Variants in ADGRD1 observed in about 807,000 individuals in gnomAD.
The protein encoded by ADGRD1 is G-protein coupled receptor 133.
ADGRD1 carries 77 observed loss-of-function variants against 113.4 expected under a neutral mutation model. The observed-to-expected ratio is 0.68, with a 90% CI of 0.57 to 0.82. ADGRD1 has a LOEUF of 0.82. ADGRD1 is among the 40% of genes least tolerant of loss of function. ADGRD1 has a pLI of 0.00. For synonymous variants in ADGRD1, 474 were observed against 475.0 expected, an observed-to-expected ratio of 1.00 and a Z score of 0.03; for missense variants, 1,036 against 1,139.1, an observed-to-expected ratio of 0.91 and a Z score of 1.30.
intron 2 of ADGRD1, among the ~76,000 whole-genome samples, chr12:130,955,325 G>A (rs1019934526): frequency 1.3e-5 from 2 of 151,832 alleles, no homozygotes; most frequent in African/African-American, 2.4e-5. Flanking sequence ...GCAGGGTCTC[G>A]GGACCTCCAG....
At chr12:130,972,844 A>G (rs573791553) in intron 4 of ADGRD1, among the ~76,000 whole-genome samples, 2 of 152,256 alleles carry the variant, frequency 1.3e-5, no homozygotes, top group East Asian at 1.9e-4. Context: ...AGGATGGTGC[A>G]GGTGCCAGGG....
intron 21 of ADGRD1, 123 bp downstream of exon 21, chr12:131,131,939 C>T (rs1055391516): frequency 4.2e-5 from 29 of 686,294 alleles, no homozygotes; most frequent in Admixed American, 4.1e-4. Flanking sequence ...TCCACTTGCT[C>T]CGTGTCCCTG....
intron 20 of ADGRD1, among the ~76,000 whole-genome samples, chr12:131,131,480 C>T (rs947631375): frequency 4.6e-5 from 7 of 152,212 alleles, no homozygotes; most frequent in African/African-American, 1.7e-4. Flanking sequence ...CGGATGTGTT[C>T]CTGGGACTAG....
rs1018275802 is a variant in ADGRD1 at position 130,993,525 on chromosome 12, G to A, written c.966+1133G>A. Among the ~76,000 whole-genome samples the A allele has an allele frequency of 1.1e-4, 17 of 151,994 alleles. 1 individual carries two copies. In the East Asian group the frequency reaches 3.3e-3, roughly 29 times the overall value. On this transcript the variant is annotated intron_variant, in intron 8 of 24. Coordinates refer to ENST00000261654, the MANE Select transcript of ADGRD1 (RefSeq NM_198827.5). Reference sequence around the variant, plus strand: ...CATGGAGTCTGAGAGGGGCTTTAAAGGGAACTACATGGAGCTGCGGGACTC... The same window carrying A: ...CATGGAGTCTGAGAGGGGCTTTAAAAGGAACTACATGGAGCTGCGGGACTC...
chr12:131,006,109 C>T, intron 12 of ADGRD1, 62 bp downstream of exon 12: 1 of 1,378,720 alleles, frequency 7.3e-7, no homozygotes, highest in Non-Finnish European at 1.0e-6. Flanking sequence ...GGGTGGCTGG[C>T]CACAGGGATG....
rs946564100 is a variant in ADGRD1, at chr12:131,060,829, A to G, written c.1474-15972A>G. 4.0e-5 allele frequency among the ~76,000 whole-genome samples: 6 copies of G among 151,530 alleles called. No individual in the cohort carries two copies. Among genetic ancestry groups the G allele is most frequent in the East Asian group, 1.9e-4 (1 of 5,138 alleles). On this transcript the variant is annotated intron_variant, in intron 13 of 24. Transcript: ENST00000261654. This position sits in a 1 kb window ranked among gnomAD's most constrained non-coding sequence, Gnocchi z 4.4. ...ATCCCATTGCCTGGATTCTCAGGCAACCCTTCTTCTCCTTGACCCTTGGGC... is the reference window on the plus strand; with the variant it reads ...ATCCCATTGCCTGGATTCTCAGGCAGCCCTTCTTCTCCTTGACCCTTGGGC...
chr12:130,999,174 C>T (rs150074508), intron 8 of ADGRD1, among the ~76,000 whole-genome samples: 11 of 152,338 alleles, frequency 7.2e-5, no homozygotes, highest in African/African-American at 2.4e-4. Flanking sequence ...CAAACTATGG[C>T]CCTCGAGTCA....
intron 3 of ADGRD1, chr12:130,968,201 T>C (rs1328072785): frequency 6.6e-6 from 1 of 152,224 alleles, no homozygotes; most frequent in East Asian, 1.9e-4. Flanking sequence ...CCTTTACCTA[T>C]GAAAAATTCT....
At chr12:131,046,042 G>T (rs1882679047) in intron 13 of ADGRD1, among the ~76,000 whole-genome samples, 1 of 145,756 alleles carries the variant, frequency 6.9e-6, no homozygotes, top group African/African-American at 2.6e-5. Context: ...TGTCCTCCCT[G>T]GTCAGCACTT....
chr12:131,025,026 C>A (rs1249454495), intron 13 of ADGRD1, among the ~76,000 whole-genome samples: 1 of 152,174 alleles, frequency 6.6e-6, no homozygotes, highest in Non-Finnish European at 1.5e-5. Flanking sequence ...GGCTTGATGC[C>A]GTGGATGGAA....
chr12:131,135,816 T>G (rs1057068647), intron 21 of ADGRD1, among the ~76,000 whole-genome samples: 1 of 152,154 alleles, frequency 6.6e-6, no homozygotes, highest in Non-Finnish European at 1.5e-5. Flanking sequence ...TTTCCAGAGC[T>G]CTCTCCCACC....
intron 2 of ADGRD1, among the ~76,000 whole-genome samples, chr12:130,958,414 G>C (rs562136527): frequency 1.4e-4 from 21 of 152,122 alleles, no homozygotes; most frequent in African/African-American, 5.1e-4. Flanking sequence ...TGACCAGGCT[G>C]GTCTCAAACT....
At chr12:131,005,839 C>A in intron 11 of ADGRD1, 133 bp from the exon 12 acceptor site, 1 of 710,020 alleles carries the variant, frequency 1.4e-6, no homozygotes, top group South Asian at 1.6e-5. Flanking sequence ...CCCGAGTGTC[C>A]TTCACTTCCT....
chr12:131,008,296 G>A (rs1162098368), intron 12 of ADGRD1, among the ~76,000 whole-genome samples: 3 of 152,248 alleles, frequency 2.0e-5, no homozygotes, highest in African/African-American at 4.8e-5. Flanking sequence ...CGGGCAGCAC[G>A]TTTATGTGCG....
intron 12 of ADGRD1, among the ~76,000 whole-genome samples, chr12:131,008,725 C>A (rs1877497479): frequency 6.6e-6 from 1 of 152,218 alleles, no homozygotes; most frequent in African/African-American, 2.4e-5. Flanking sequence ...GGTGCTCGTG[C>A]TAGGCTCAGC....
chr12:131,108,555 C>T (rs1276898903), intron 17 of ADGRD1, among the ~76,000 whole-genome samples, 169 bp from the exon 18 acceptor site: 3 of 152,210 alleles, frequency 2.0e-5, no homozygotes, highest in Non-Finnish European at 2.9e-5. Context: ...CTGAGTCAAG[C>T]GCTACACCCA....
chr12:130,959,754 T>G (rs1870126017), intron 2 of ADGRD1, among the ~76,000 whole-genome samples: 1 of 152,210 alleles, frequency 6.6e-6, no homozygotes, highest in Non-Finnish European at 1.5e-5. Flanking sequence ...ATTTGCCAGA[T>G]CTTTACCATG....
chr12:130,965,571 G>T lies in ADGRD1; in HGVS notation c.104-892G>T, dbSNP rs140051307. Among the ~76,000 whole-genome samples, 3 of 151,948 alleles carry T rather than the reference G, an allele frequency of 2.0e-5. No homozygotes were observed. Among genetic ancestry groups the T allele is most frequent in the African/African-American group, 7.3e-5 (3 of 41,366 alleles). On this transcript the variant is annotated intron_variant, in intron 2 of 24. Coordinates refer to ENST00000261654, the MANE Select transcript of ADGRD1 (RefSeq NM_198827.5). The surrounding 1 kb of genome is among the most constrained non-coding windows in gnomAD (Gnocchi z 4.8). ...TATGCATAAAGCCACTCATGTCAGC[G>T]CCACCTGTACGAATAAGGATGGAAG...
chr12:130,986,998 C>T (rs1406263425), intron 5 of ADGRD1, 97 bp from the exon 6 acceptor site: 2 of 1,048,624 alleles, frequency 1.9e-6, no homozygotes, highest in East Asian at 2.4e-5. Context: ...TGATTGATCA[C>T]CTTAAGAAAG....
Sources: allele counts gnomAD v4.1 joint callset (sites outside exome capture counted in the v4.1 genomes callset), GRCh38; gene constraint gnomAD v4.1.1; non-coding constraint Gnocchi (gnomAD v3.1); transcripts MANE v1.5; gene names NCBI Gene and HGNC (gene_info 2026-07-23, HGNC 2026-07-21).